CCNY: variants seen among roughly 807,000 people sequenced by gnomAD.
CCNY encodes cyclin-Y.
CCNY carries 19 observed loss-of-function variants against 42.8 expected under a neutral mutation model. The ratio of observed to expected loss-of-function variants is 0.44; its 90% CI spans 0.31 to 0.65. The LOEUF is 0.65. Among genes scored for constraint, CCNY ranks in the 30% least tolerant of loss-of-function variants. The pLI, the probability that CCNY is intolerant of heterozygous loss-of-function variation, is 0.07. For missense variants in CCNY, 370 were observed against 437.3 expected (o/e 0.85, Z 1.37); for synonymous variants, 165 against 162.7 (o/e 1.01, Z -0.11).
rs34429228 is a variant in CCNY at position 35,419,533 on chromosome 10, C to CTT, written c.155-63857_155-63856dup. ...AGGACTGGGTTGCATTAGACCGTTC[C>CTT]TTTTTTTTTTTTTTTAGCAATCTGG... On this transcript the variant is annotated intron_variant, in intron 1 of 9. Coordinates refer to ENST00000374704, the MANE Select transcript of CCNY (RefSeq NM_145012.6). Among the ~76,000 whole-genome samples, 46 of 129,682 alleles carry CTT rather than the reference C, an allele frequency of 3.5e-4. 2 individuals are homozygous for CTT. The highest frequency in any genetic ancestry group is 4.5e-4 in the Non-Finnish European group (28 of 61,736). 85.1% of individuals were successfully genotyped at this position (129,682 alleles called of 152,430 possible).
intron 1 of CCNY, among the ~76,000 whole-genome samples, chr10:35,447,387 G>C (rs10508817): frequency 0.29 from 44,089 of 152,108 alleles, 6,678 homozygotes; most frequent in East Asian, 0.35. Context: ...CTTTACTAGC[G>C]ATAACGTGGT....
chr10:35,337,962 T>C (rs1267452663), intron 1 of CCNY, among the ~76,000 whole-genome samples: 1 of 152,220 alleles, frequency 6.6e-6, no homozygotes, highest in Non-Finnish European at 1.5e-5. Context: ...CAGTAATGTT[T>C]TATTTATTTT....
intron 3 of CCNY, among the ~76,000 whole-genome samples, chr10:35,326,194 G>C (rs1835878474): frequency 6.6e-6 from 1 of 152,082 alleles, no homozygotes. Flanking sequence ...TGTCATCCAG[G>C]TGGAGTGCAG....
In CCNY at chr10:35,501,552, C is replaced by G. The variant is rs746446121; in HGVS notation, c.264+17C>G. On this transcript the variant is annotated intron_variant, in intron 3 of 9. Coordinates refer to ENST00000374704, the MANE Select transcript of CCNY (RefSeq NM_145012.6). ...ATTAACCATGTAAGTGAAGCTGTCT[C>G]CCTGTGTTCTTCATAATGACTGTAC... 1.2e-6 allele frequency: 2 copies of G among 1,609,610 alleles called. No individual in the cohort carries two copies. The highest frequency in any genetic ancestry group is 1.7e-6 in the Non-Finnish European group (2 of 1,175,968).
intron 2 of CCNY, among the ~76,000 whole-genome samples, chr10:35,500,159 T>G (rs1840082525): frequency 6.6e-6 from 1 of 152,268 alleles, no homozygotes; most frequent in African/African-American, 2.4e-5. Context: ...CAGGGTGCCC[T>G]GTCCTGTGAC....
At chr10:35,314,613 T>C (rs537559014) in intron 3 of CCNY, 2 of 152,346 alleles carry the variant, frequency 1.3e-5, no homozygotes, top group Admixed American at 6.5e-5. Context: ...CCTTTTCTTG[T>C]ATTTTATTTC....
chr10:35,485,895 T>C (rs1331490155), intron 2 of CCNY, among the ~76,000 whole-genome samples: 1 of 152,206 alleles, frequency 6.6e-6, no homozygotes, highest in African/African-American at 2.4e-5. Context: ...TAAACTTCTA[T>C]TTGTCCCTCT....
At chr10:35,282,225 G>T (rs1835306218) in intron 3 of CCNY, among the ~76,000 whole-genome samples, 1 of 149,276 alleles carries the variant, frequency 6.7e-6, no homozygotes, top group South Asian at 2.1e-4. Context: ...GGCCTCAAGT[G>T]ATCCTCCCAA....
chr10:35,343,960 C>T (rs1010570804), intron 1 of CCNY, among the ~76,000 whole-genome samples: 15 of 152,196 alleles, frequency 9.9e-5, no homozygotes, highest in African/African-American at 3.6e-4. Flanking sequence ...CATGATTCAA[C>T]ATTGGGCTGT....
intron 2 of CCNY, among the ~76,000 whole-genome samples, chr10:35,489,012 G>T (rs1451838359): frequency 6.6e-6 from 1 of 152,124 alleles, no homozygotes; most frequent in African/African-American, 2.4e-5. Flanking sequence ...GGGCACGGTG[G>T]CTCACGCCTG....
intron 5 of CCNY, among the ~76,000 whole-genome samples, chr10:35,526,417 A>G (rs1002610795): frequency 2.0e-5 from 3 of 152,348 alleles, no homozygotes; most frequent in Admixed American, 6.5e-5. Flanking sequence ...AACTATTTTA[A>G]TATAGAAGCC....
At chr10:35,297,652 C>G (rs1835487176) in intron 3 of CCNY, among the ~76,000 whole-genome samples, 2 of 152,090 alleles carry the variant, frequency 1.3e-5, no homozygotes, top group Admixed American at 6.6e-5. Context: ...TTTCAGGATA[C>G]AAAATTAACG....
At chr10:35,349,558 C>G (rs1836384023) in intron 1 of CCNY, among the ~76,000 whole-genome samples, 1 of 152,182 alleles carries the variant, frequency 6.6e-6, no homozygotes, top group Non-Finnish European at 1.5e-5. Context: ...GGGTTTCTTT[C>G]TTGATTAGTC....
At chr10:35,248,365 C>T (rs889036348) in intron 2 of CCNY, among the ~76,000 whole-genome samples, 34 of 152,068 alleles carry the variant, frequency 2.2e-4, no homozygotes, top group African/African-American at 3.9e-4. Context: ...GACTAGGGGC[C>T]GGGCGCGGTG....
intron 1 of CCNY, among the ~76,000 whole-genome samples, chr10:35,413,689 GAGGAGAGCGTTCAGC>G (rs2135251359): frequency 6.6e-6 from 1 of 152,326 alleles, no homozygotes; most frequent in South Asian, 2.1e-4. Flanking sequence ...GTACTGTGTG[GAGGAGAGCGTTCAGC>G]AGGAGAGAGT....
chr10:35,323,233 T>C (rs1835841976), intron 3 of CCNY, among the ~76,000 whole-genome samples: 1 of 152,160 alleles, frequency 6.6e-6, no homozygotes, highest in African/African-American at 2.4e-5. Context: ...TCGGCTGCCA[T>C]TTCTTTTAAA....
chr10:35,514,204 C>T (rs1250440677), intron 3 of CCNY, among the ~76,000 whole-genome samples: 1 of 151,872 alleles, frequency 6.6e-6, no homozygotes, highest in Admixed American at 6.6e-5. Context: ...TTCTATGAGT[C>T]TTGTAGTCCT....
At chr10:35,485,742 A>C (rs894223037) in intron 2 of CCNY, among the ~76,000 whole-genome samples, 23 of 148,440 alleles carry the variant, frequency 1.5e-4, no homozygotes, top group East Asian at 5.8e-4. Flanking sequence ...AAAAAAAACA[A>C]AAAAAAAAAA....
intron 1 of CCNY, among the ~76,000 whole-genome samples, chr10:35,422,818 A>AT (rs371349592): frequency 5.4e-4 from 82 of 152,212 alleles, no homozygotes; most frequent in Middle Eastern, 3.4e-3. Flanking sequence ...ATCCTTCATG[A>AT]TTTTTTTGTT....
Sources: allele counts gnomAD v4.1 joint callset (sites outside exome capture counted in the v4.1 genomes callset), GRCh38; gene constraint gnomAD v4.1.1; transcripts MANE v1.5; gene names NCBI Gene and HGNC (gene_info 2026-07-23, HGNC 2026-07-21).